MAST4: variants seen among roughly 807,000 people sequenced by gnomAD.
The protein encoded by MAST4 is microtubule-associated serine/threonine-protein kinase 4.
In MAST4, 89 loss-of-function variants were observed where a neutral mutation model predicts 162.7. The observed-to-expected ratio is 0.55, with a 90% confidence interval of 0.46 to 0.65. The LOEUF is 0.65. Ranked by LOEUF, MAST4 falls within the 30% of genes least tolerant of loss-of-function variation. The pLI is 0.00. For synonymous variants in MAST4, 1,479 were observed against 1,361.1 expected (o/e 1.09, Z -1.91); for missense variants, 3,153 against 3,374.0 (o/e 0.93, Z 1.62).
intron 1 of MAST4, among the ~76,000 whole-genome samples, chr5:66,756,404 G>A (rs1753540562): frequency 6.6e-6 from 1 of 152,192 alleles, no homozygotes; most frequent in South Asian, 2.1e-4. Context: ...CTTAGGGAGA[G>A]GAACCACAAG....
intron 1 of MAST4, among the ~76,000 whole-genome samples, chr5:66,646,118 C>T (rs1745817915): frequency 6.6e-6 from 1 of 152,064 alleles, no homozygotes; most frequent in Non-Finnish European, 1.5e-5. Context: ...TCGAATTCCC[C>T]CTCCCCCATC....
intron 3 of MAST4, among the ~76,000 whole-genome samples, chr5:66,894,330 G>A (rs945438397): frequency 6.6e-6 from 1 of 152,120 alleles, no homozygotes; most frequent in Non-Finnish European, 1.5e-5. Flanking sequence ...GTGTTGCCAG[G>A]CTTCAGAATC....
At chr5:67,056,429 G>T (rs1393718153) in intron 5 of MAST4, among the ~76,000 whole-genome samples, 1 of 152,086 alleles carries the variant, frequency 6.6e-6, no homozygotes, top group African/African-American at 2.4e-5. Flanking sequence ...ATATAATTCT[G>T]CGATTTAAAG....
chr5:66,910,755 CT>C (rs1157602201), intron 4 of MAST4, among the ~76,000 whole-genome samples: 30 of 28,890 alleles, frequency 1.0e-3, no homozygotes, highest in East Asian at 1.8e-3. Context: ...TTTTTTTTTT[CT>C]TTTTTTTTTT....
intron 4 of MAST4, among the ~76,000 whole-genome samples, chr5:66,944,990 T>TCTGCCCACAGTTCACAGGAC (rs1743848182): frequency 1.3e-5 from 2 of 152,258 alleles, no homozygotes; most frequent in Admixed American, 1.3e-4. Flanking sequence ...TTCCACAGGA[T>TCTGCCCACAGTTCACAGGAC]CTGCCCACAG....
intron 4 of MAST4, among the ~76,000 whole-genome samples, chr5:66,916,033 G>A (rs551534362): frequency 1.3e-5 from 2 of 152,206 alleles, no homozygotes; most frequent in East Asian, 1.9e-4. Flanking sequence ...CTTGCAATGC[G>A]GCTAGGCCAA....
chr5:66,623,084 T>C (rs1744182587), intron 1 of MAST4: 1 of 152,142 alleles, frequency 6.6e-6, no homozygotes, highest in Non-Finnish European at 1.5e-5. Context: ...TTTGGGTGAA[T>C]CCCTTTTGAT....
intron 3 of MAST4, among the ~76,000 whole-genome samples, chr5:66,802,397 G>T (rs1389815402): frequency 6.6e-6 from 1 of 152,070 alleles, no homozygotes; most frequent in African/African-American, 2.4e-5. Context: ...CCCAACCAGA[G>T]AATTATGGCT....
intron 5 of MAST4, among the ~76,000 whole-genome samples, chr5:67,073,968 A>G (rs1481623878): frequency 2.0e-5 from 3 of 152,168 alleles, no homozygotes; most frequent in Non-Finnish European, 4.4e-5. Flanking sequence ...GAAAAGATTG[A>G]TAATAGAAAT....
At chr5:67,138,460 A>G (rs992091439) in intron 19 of MAST4, among the ~76,000 whole-genome samples, 1 of 151,948 alleles carries the variant, frequency 6.6e-6, no homozygotes, top group Admixed American at 6.6e-5. Flanking sequence ...TAGAGATGGC[A>G]TCTCACTCTG....
At chr5:66,774,416 G>A (rs1205344308) in intron 2 of MAST4, among the ~76,000 whole-genome samples, 1 of 152,184 alleles carries the variant, frequency 6.6e-6, no homozygotes, top group East Asian at 1.9e-4. Context: ...TATGAGTGCT[G>A]TGATGCCCCT....
chr5:67,127,492 CAT>C (rs1354598377), intron 14 of MAST4, among the ~76,000 whole-genome samples: 1 of 152,150 alleles, frequency 6.6e-6, no homozygotes, highest in African/African-American at 2.4e-5. Context: ...TTGAGATAAT[CAT>C]GTGGTTTTTG....
chr5:66,942,991 G>T (rs1743536475), intron 4 of MAST4, among the ~76,000 whole-genome samples: 1 of 152,038 alleles, frequency 6.6e-6, no homozygotes, highest in Non-Finnish European at 1.5e-5. Flanking sequence ...ATGGCTGTAG[G>T]TAGAAAGGGG....
At chr5:66,814,969 T>G (rs1186116711) in intron 3 of MAST4, among the ~76,000 whole-genome samples, 1 of 152,162 alleles carries the variant, frequency 6.6e-6, no homozygotes, top group East Asian at 1.9e-4. Flanking sequence ...CATCCTAGGT[T>G]TATATATTTG....
intron 1 of MAST4, among the ~76,000 whole-genome samples, chr5:66,733,565 A>C (rs3111623): frequency 0.76 from 115,856 of 151,552 alleles, 45,552 homozygotes; most frequent in African/African-American, 0.94. Flanking sequence ...TCAAGCAATT[A>C]TCCTGCCTCA....
intron 4 of MAST4, among the ~76,000 whole-genome samples, chr5:66,926,248 AAAATT>A (rs1396192344): frequency 6.6e-6 from 1 of 152,298 alleles, no homozygotes; most frequent in East Asian, 1.9e-4. Flanking sequence ...TGATAGGAAT[AAAATT>A]AAATTATTTT....
chr5:66,678,410 A>T (rs1580173525), intron 1 of MAST4, among the ~76,000 whole-genome samples: 1 of 152,214 alleles, frequency 6.6e-6, no homozygotes, highest in African/African-American at 2.4e-5. Context: ...AAAAATTGCT[A>T]AGTAGATCCT....
intron 12 of MAST4, chr5:67,114,914 T>C (rs983320635): frequency 6.6e-6 from 1 of 151,940 alleles, no homozygotes; most frequent in East Asian, 1.9e-4. Context: ...GGCATGGTGA[T>C]GTGCACCTGT....
chr5:66,608,924 GCTAT>G (rs1442407961), intron 1 of MAST4, among the ~76,000 whole-genome samples: 2 of 152,082 alleles, frequency 1.3e-5, no homozygotes, highest in African/African-American at 2.4e-5. Context: ...CTGTGGTGTG[GCTAT>G]CTGTTGAGTT....
Sources: gnomAD v4.1 joint callset for allele counts (sites outside exome capture counted in the v4.1 genomes callset) on GRCh38, gnomAD v4.1.1 for gene constraint, MANE v1.5 for transcripts, NCBI Gene and HGNC (gene_info 2026-07-23, HGNC 2026-07-21) for gene names.